H2AC15: variants seen among roughly 807,000 people sequenced by gnomAD.
H2AC15 encodes H2A clustered histone 15.
A neutral mutation model predicts 7.8 loss-of-function variants in H2AC15; 7 were observed. That is an observed-to-expected ratio of 0.90 (90% confidence interval 0.51 to 1.69). The LOEUF is 1.69. H2AC15 is among the 40% of genes most tolerant of loss of function. H2AC15 has a pLI of 0.00. For missense variants in H2AC15, 234 were observed against 174.7 expected (o/e 1.34, Z -1.91); for synonymous variants, 125 against 79.3 (o/e 1.58, Z -3.06).
chr6:27,838,066 C>G lies in H2AC15; in HGVS notation c.274G>C (p.Glu92Gln), dbSNP rs763508699. Residue 92 changes from glutamate (E) to glutamine (Q), a missense_variant, in exon 1 of 1, where the codon GAG (glutamate) becomes CAG (glutamine). By Grantham distance (29) the Glu-to-Gln change is conservative (BLOSUM62 2). Coordinates refer to ENST00000618958, the MANE Select transcript of H2AC15 (RefSeq NM_003510.3). ...RHLQLAIRNDEELNKLLGKVT... is the reference protein window; with the variant it reads ...RHLQLAIRNDQELNKLLGKVT... Reference sequence around the variant, plus strand: ...TTACCAAGCAGCTTGTTGAGCTCCTCGTCGTTGCGGATGGCCAGCTGCAAG... The same window carrying G: ...TTACCAAGCAGCTTGTTGAGCTCCTGGTCGTTGCGGATGGCCAGCTGCAAG... The G allele has an allele frequency of 6.2e-7, 1 of 1,614,208 alleles. No individual in the cohort carries two copies.
In H2AC15 at chr6:27,837,991, G is replaced by C; in HGVS notation, c.349C>G (p.Leu117Val). Residue 117 changes from leucine (L) to valine (V), a missense_variant, in exon 1 of 1, where the codon CTG becomes GTG. Transcript: ENST00000618958. ...TGGTGGCTCTCAGTTTTCTTAGGCAGCAGCACGGCCTGGATATTGGGCAGG... is the reference window on the plus strand; with the variant it reads ...TGGTGGCTCTCAGTTTTCTTAGGCACCAGCACGGCCTGGATATTGGGCAGG... Reference protein sequence around the residue: ...GVLPNIQAVLLPKKTESHHKA... With the variant: ...GVLPNIQAVLVPKKTESHHKA... The C allele has an allele frequency of 6.2e-7, 1 of 1,614,228 alleles. No homozygotes were observed. The highest frequency in any genetic ancestry group is 1.1e-5 in the South Asian group (1 of 91,086).
rs780824411 is a variant in H2AC15, at chr6:27,837,943, C to A, written c.*4G>T. 8 of 1,613,974 alleles carry A rather than the reference C, an allele frequency of 5.0e-6. No individual in the cohort carries two copies. Among genetic ancestry groups the A allele is most frequent in the Non-Finnish European group, 6.8e-6 (8 of 1,179,966 alleles). On this transcript the variant is annotated 3_prime_UTR_variant, in exon 1 of 1. Transcript: ENST00000618958. ...GGTATGAGTAATGAACTGCTCCAGCCCCGCTACTTGCCCTTGGCCTTGTGG... is the reference window on the plus strand; with the variant it reads ...GGTATGAGTAATGAACTGCTCCAGCACCGCTACTTGCCCTTGGCCTTGTGG...
chr6:27,838,199 T>G lies in H2AC15; in HGVS notation c.141A>C (p.Gly47=). The change falls in exon 1 of 1, where the codon GGA becomes GGC. Residue 47 remains glycine (G), a synonymous_variant. Transcript: ENST00000618958. ...ACACCGCCGCCAGGTACACCGGCGC[T>G]CCGGCACCGACCCGCTCAGCGTAGT... ...KGNYAERVGA[G]APVYLAAVLE... is the part of the protein sequence containing the mutation. The G allele has an allele frequency of 6.2e-7, 1 of 1,614,048 alleles. No homozygotes were observed.
chr6:27,838,034 G>C lies in H2AC15; in HGVS notation c.306C>G (p.Thr102=). ...TGGGCAGGACACCACCCTGGGCGAT[G>C]GTCACTTTACCAAGCAGCTTGTTGA... ...EELNKLLGKV[T]IAQGGVLPNI... The change falls in exon 1 of 1, where the codon ACC becomes ACG. Residue 102 remains threonine (T), a synonymous_variant. Coordinates refer to ENST00000618958, the MANE Select transcript of H2AC15 (RefSeq NM_003510.3). 1.9e-6 allele frequency: 3 copies of C among 1,614,230 alleles called. No individual in the cohort carries two copies. The highest frequency in any genetic ancestry group is 2.5e-6 in the Non-Finnish European group (3 of 1,180,042).
At position 27,837,943 on chromosome 6, in the gene H2AC15, C is replaced by T. The variant is rs780824411; in HGVS notation, c.*4G>A. ...GGTATGAGTAATGAACTGCTCCAGC[C>T]CCGCTACTTGCCCTTGGCCTTGTGG... On this transcript the variant is annotated 3_prime_UTR_variant, in exon 1 of 1. Transcript: ENST00000618958. 6.2e-6 allele frequency: 10 copies of T among 1,614,092 alleles called. No homozygotes were observed. The South Asian group carries it at 8.8e-5, about 14-fold the overall frequency.
Position 27,838,016 on chromosome 6 carries a change from G to T in H2AC15, c.324C>A (p.Val108=). The T allele has an allele frequency of 6.2e-7, 1 of 1,614,228 alleles. No individual in the cohort carries two copies. ...GCAGCACGGCCTGGATATTGGGCAGGACACCACCCTGGGCGATGGTCACTT... is the reference window on the plus strand; with the variant it reads ...GCAGCACGGCCTGGATATTGGGCAGTACACCACCCTGGGCGATGGTCACTT... ...LGKVTIAQGG[V]LPNIQAVLLP... The change falls in exon 1 of 1, where the codon GTC becomes GTA. Residue 108 remains valine (V), a synonymous_variant. Coordinates refer to ENST00000618958, the MANE Select transcript of H2AC15 (RefSeq NM_003510.3).
Position 27,838,307 on chromosome 6 carries a change from A to G in H2AC15, c.33T>C (p.Ala11=). Residue 11 remains alanine (A), a synonymous_variant, in exon 1 of 1, where the codon GCT becomes GCC. Coordinates refer to ENST00000618958, the MANE Select transcript of H2AC15 (RefSeq NM_003510.3). The part of the protein sequence containing the change: MSGRGKQGGK[A]RAKAKTRSSR... Reference sequence around the variant, plus strand: ...AAGAACGGGTCTTAGCCTTGGCGCGAGCTTTGCCGCCCTGCTTGCCACGTC... The same window carrying G: ...AAGAACGGGTCTTAGCCTTGGCGCGGGCTTTGCCGCCCTGCTTGCCACGTC... The G allele has an allele frequency of 6.3e-7, 1 of 1,599,200 alleles. No individual in the cohort carries two copies.
At position 27,838,165 on chromosome 6, in the gene H2AC15, G is replaced by C. The variant is rs144042626; in HGVS notation, c.175C>G (p.Leu59Val). Residue 59 changes from leucine (L) to valine (V), a missense_variant, in exon 1 of 1, where the codon CTA (leucine) becomes GTA (valine). Coordinates refer to ENST00000618958, the MANE Select transcript of H2AC15 (RefSeq NM_003510.3). ...PVYLAAVLEY[L>V]TAEILELAGN... ...GCCAGTTCCAGGATCTCGGCGGTTA[G>C]GTACTCCAACACCGCCGCCAGGTAC... 3.7e-6 allele frequency: 6 copies of C among 1,614,048 alleles called. No individual in the cohort carries two copies. In the African/African-American group the frequency reaches 8.0e-5, roughly 22 times the overall value.
Position 27,838,332 on chromosome 6 carries a change from C to G in H2AC15, c.8G>C (p.Gly3Ala). The G allele has an allele frequency of 1.3e-6, 2 of 1,579,172 alleles. No homozygotes were observed. The highest frequency in any genetic ancestry group is 1.7e-6 in the Non-Finnish European group (2 of 1,161,998). The change falls in exon 1 of 1, where the codon GGA becomes GCA. Residue 3 changes from glycine (G) to alanine (A), a missense_variant. Coordinates refer to ENST00000618958, the MANE Select transcript of H2AC15 (RefSeq NM_003510.3). MSGRGKQGGKARA... is the reference protein window; with the variant it reads MSARGKQGGKARA... ...AGCTTTGCCGCCCTGCTTGCCACGT[C>G]CCGACATGACGTAAAAAATTCAATC...
Position 27,837,951 on chromosome 6 carries a change from T to C in H2AC15, c.389A>G (p.Lys130Arg). Residue 130 changes from lysine to arginine, a missense_variant, in exon 1 of 1, where the codon AAG (lysine) becomes AGG (arginine). Lys to Arg is a conservative substitution (Grantham distance 26, BLOSUM62 2). Transcript: ENST00000618958. ...KTESHHKAKG[K>R] is the part of the protein sequence containing the mutation. ...TAATGAACTGCTCCAGCCCCGCTACTTGCCCTTGGCCTTGTGGTGGCTCTC... is the reference window on the plus strand; with the variant it reads ...TAATGAACTGCTCCAGCCCCGCTACCTGCCCTTGGCCTTGTGGTGGCTCTC... 6.2e-7 allele frequency: 1 copy of C among 1,614,196 alleles called. No individual in the cohort carries two copies. Among genetic ancestry groups the C allele is most frequent in the Non-Finnish European group, 8.5e-7 (1 of 1,180,008 alleles).
In H2AC15 at chr6:27,838,075, G is replaced by C; in HGVS notation, c.265C>G (p.Arg89Gly). The C allele has an allele frequency of 6.2e-7, 1 of 1,614,214 alleles. No individual in the cohort carries two copies. The highest frequency in any genetic ancestry group is 1.3e-5 in the African/African-American group (1 of 75,046). ...AGCTTGTTGAGCTCCTCGTCGTTGC[G>C]GATGGCCAGCTGCAAGTGGCGCGGG... ...IIPRHLQLAI[R>G]NDEELNKLLG... Residue 89 changes from arginine (R) to glycine (G), a missense_variant, in exon 1 of 1, where the codon CGC becomes GGC. By Grantham distance (125) the Arg-to-Gly change is moderately radical. Transcript: ENST00000618958.
chr6:27,838,156 C>G lies in H2AC15; in HGVS notation c.184G>C (p.Glu62Gln). The change falls in exon 1 of 1, where the codon GAG becomes CAG. Residue 62 changes from glutamate (E) to glutamine (Q), a missense_variant. Coordinates refer to ENST00000618958, the MANE Select transcript of H2AC15 (RefSeq NM_003510.3). The stretch of plus-strand genomic sequence containing the variant: ...GCGTTGCCAGCCAGTTCCAGGATCT[C>G]GGCGGTTAGGTACTCCAACACCGCC... ...LAAVLEYLTA[E>Q]ILELAGNAAR... 1 of 1,614,196 alleles carries G rather than the reference C, an allele frequency of 6.2e-7. No homozygotes were observed. The highest frequency in any genetic ancestry group is 8.5e-7 in the Non-Finnish European group (1 of 1,180,044).
rs1761060247 is a variant in H2AC15, at chr6:27,838,014, A to G, written c.326T>C (p.Leu109Pro). The change falls in exon 1 of 1, where the codon CTG (leucine) becomes CCG (proline). Residue 109 changes from leucine to proline, a missense_variant. Transcript: ENST00000618958. ...CAGCAGCACGGCCTGGATATTGGGC[A>G]GGACACCACCCTGGGCGATGGTCAC... ...GKVTIAQGGV[L>P]PNIQAVLLPK... 6.2e-7 allele frequency: 1 copy of G among 1,614,122 alleles called. No individual in the cohort carries two copies. The highest frequency in any genetic ancestry group is 1.3e-5 in the African/African-American group (1 of 74,940).
rs142383851 is a variant in H2AC15 at position 27,838,331 on chromosome 6, T to C, written c.9A>G (p.Gly3=). Residue 3 remains glycine (G), a synonymous_variant, in exon 1 of 1, where the codon GGA becomes GGG. Coordinates refer to ENST00000618958, the MANE Select transcript of H2AC15 (RefSeq NM_003510.3). The part of the protein sequence containing the change: MS[G]RGKQGGKARA... ...GAGCTTTGCCGCCCTGCTTGCCACGTCCCGACATGACGTAAAAAATTCAAT... is the reference window on the plus strand; with the variant it reads ...GAGCTTTGCCGCCCTGCTTGCCACGCCCCGACATGACGTAAAAAATTCAAT... The C allele has an allele frequency of 6.3e-5, 100 of 1,580,862 alleles. No homozygotes were observed. The African/African-American group carries it at 9.6e-4, about 15-fold the overall frequency.
At position 27,838,232 on chromosome 6, in the gene H2AC15, G is replaced by A. The variant is rs1761071328; in HGVS notation, c.108C>T (p.Arg36=). 1 of 1,614,004 alleles carries A rather than the reference G, an allele frequency of 6.2e-7. No homozygotes were observed. The highest frequency in any genetic ancestry group is 8.5e-7 in the Non-Finnish European group (1 of 1,179,986). The change falls in exon 1 of 1, where the codon CGC becomes CGT. Residue 36 remains arginine (R), a synonymous_variant. Coordinates refer to ENST00000618958, the MANE Select transcript of H2AC15 (RefSeq NM_003510.3). ...CGACCCGCTCAGCGTAGTTGCCCTT[G>A]CGGAGCAGTCGGTGCACTCGGCCCA... ...FPVGRVHRLL[R]KGNYAERVGA...
rs1581472480 is a variant in H2AC15, at chr6:27,838,162, T to C, written c.178A>G (p.Thr60Ala). The C allele has an allele frequency of 4.3e-6, 7 of 1,614,066 alleles. No homozygotes were observed. In the East Asian group the frequency reaches 1.1e-4, roughly 26 times the overall value. ...CCAGCCAGTTCCAGGATCTCGGCGG[T>C]TAGGTACTCCAACACCGCCGCCAGG... The part of the protein sequence containing the change: ...VYLAAVLEYL[T>A]AEILELAGNA... Residue 60 changes from threonine to alanine, a missense_variant, in exon 1 of 1, where the codon ACC (threonine) becomes GCC (alanine). Coordinates refer to ENST00000618958, the MANE Select transcript of H2AC15 (RefSeq NM_003510.3).
At position 27,837,962 on chromosome 6, in the gene H2AC15, C is replaced by T. The variant is rs767277017; in HGVS notation, c.378G>A (p.Lys126=). The T allele has an allele frequency of 3.1e-6, 5 of 1,614,222 alleles. No individual in the cohort carries two copies. In the Admixed American group the frequency reaches 5.0e-5, roughly 16 times the overall value. ...LLPKKTESHH[K]AKGK Reference sequence around the variant, plus strand: ...TCCAGCCCCGCTACTTGCCCTTGGCCTTGTGGTGGCTCTCAGTTTTCTTAG... The same window carrying T: ...TCCAGCCCCGCTACTTGCCCTTGGCTTTGTGGTGGCTCTCAGTTTTCTTAG... The change falls in exon 1 of 1, where the codon AAG becomes AAA. Residue 126 remains lysine (K), a synonymous_variant. Coordinates refer to ENST00000618958, the MANE Select transcript of H2AC15 (RefSeq NM_003510.3).
Position 27,838,013 on chromosome 6 carries a change from C to A in H2AC15, c.327G>T (p.Leu109=), listed in dbSNP as rs1361049126. The A allele has an allele frequency of 2.5e-6, 4 of 1,614,248 alleles. No individual in the cohort carries two copies. The highest frequency in any genetic ancestry group is 3.4e-6 in the Non-Finnish European group (4 of 1,180,054). The change falls in exon 1 of 1, where the codon CTG becomes CTT. Residue 109 remains leucine (L), a synonymous_variant. Coordinates refer to ENST00000618958, the MANE Select transcript of H2AC15 (RefSeq NM_003510.3). ...GCAGCAGCACGGCCTGGATATTGGG[C>A]AGGACACCACCCTGGGCGATGGTCA... ...GKVTIAQGGV[L]PNIQAVLLPK...
chr6:27,838,362 A>T lies in H2AC15; in HGVS notation c.-23T>A, dbSNP rs370602738. ...CATGACGTAAAAAATTCAATCAGTA[A>T]CGTTCCTGAGACTGACGTAACGCTA... is the stretch of plus-strand genomic sequence containing the variant. On this transcript the variant is annotated 5_prime_UTR_variant, in exon 1 of 1. Transcript: ENST00000618958. 26 of 1,558,108 alleles carry T rather than the reference A, an allele frequency of 1.7e-5. No homozygotes were observed. The African/African-American group carries it at 3.1e-4, about 19-fold the overall frequency.
Sources: allele counts gnomAD v4.1 joint callset, GRCh38; gene constraint gnomAD v4.1.1; transcripts MANE v1.5; gene names NCBI Gene and HGNC (gene_info 2026-07-23, HGNC 2026-07-21).